Variants in MRTFB observed in about 807,000 individuals in gnomAD.
MRTFB encodes myocardin-related transcription factor B.
Under a neutral mutation model 104.2 loss-of-function variants are expected in MRTFB, and 29 were observed. The observed-to-expected ratio is 0.28, with a 90% CI of 0.21 to 0.38. The LOEUF (loss-of-function observed/expected upper bound fraction) is 0.38, where lower values mean the gene tolerates loss of function less well. Ranked by LOEUF, MRTFB falls within the 10% of genes least tolerant of loss-of-function variation. The pLI, the probability that MRTFB is intolerant of heterozygous loss-of-function variation, is 1.00. For synonymous variants in MRTFB, 535 were observed against 519.5 expected, an observed-to-expected ratio of 1.03 and a Z score of -0.41; for missense variants, 1,270 against 1,341.6, an observed-to-expected ratio of 0.95 and a Z score of 0.83.
chr16:14,006,303 A>C, the MRTFB span, among the ~76,000 whole-genome samples: 1 of 152,224 alleles, frequency 6.6e-6, no homozygotes, highest in South Asian at 2.1e-4. Context: ...AGATTGTGTC[A>C]TTGCACTCCA....
At chr16:14,136,171 G>A (rs1290215041) in intron 2 of MRTFB, among the ~76,000 whole-genome samples, 3 of 152,026 alleles carry the variant, frequency 2.0e-5, no homozygotes, top group Non-Finnish European at 4.4e-5. Flanking sequence ...CTATTTGGGA[G>A]GCTGAGGCAC....
At chr16:14,189,817 T>C (rs2040097972) in intron 3 of MRTFB, among the ~76,000 whole-genome samples, 1 of 152,218 alleles carries the variant, frequency 6.6e-6, no homozygotes, top group Admixed American at 6.5e-5. Context: ...GGAAGGCTAC[T>C]CTGCTTCTCA....
intron 2 of MRTFB, among the ~76,000 whole-genome samples, chr16:14,140,339 A>G (rs2037930730): frequency 2.0e-5 from 3 of 152,130 alleles, no homozygotes; most frequent in Non-Finnish European, 4.4e-5. Flanking sequence ...TTTCAGCTTT[A>G]TTTACCTTAT....
intron 8 of MRTFB, among the ~76,000 whole-genome samples, chr16:14,224,913 G>C (rs78415712): frequency 6.6e-6 from 1 of 152,194 alleles, no homozygotes. Flanking sequence ...GGCTGGGCAC[G>C]GTGGCTTACA....
chr16:14,242,196 G>A (rs77474324), intron 10 of MRTFB, among the ~76,000 whole-genome samples: 2 of 152,138 alleles, frequency 1.3e-5, no homozygotes, highest in African/African-American at 4.8e-5. Flanking sequence ...TTTCTGTAAT[G>A]AAAGAATTTG....
chr16:14,231,301 T>TAA (rs1307620791), intron 8 of MRTFB, among the ~76,000 whole-genome samples: 14 of 151,820 alleles, frequency 9.2e-5, no homozygotes, highest in African/African-American at 2.9e-4. Flanking sequence ...AAATAAAAAA[T>TAA]AAAAATAAAT....
intron 3 of MRTFB, among the ~76,000 whole-genome samples, chr16:14,208,596 G>A (rs1269905427): frequency 1.3e-5 from 2 of 152,122 alleles, no homozygotes; most frequent in Non-Finnish European, 2.9e-5. Context: ...TCTCCTCTCA[G>A]TTGTCTTTTT....
At chr16:14,172,219 T>C (rs1345251189) in intron 3 of MRTFB, among the ~76,000 whole-genome samples, 1 of 152,050 alleles carries the variant, frequency 6.6e-6, no homozygotes, top group East Asian at 1.9e-4. Context: ...TGTCCTTCCT[T>C]CCCCGCCTCC....
intron 9 of MRTFB, among the ~76,000 whole-genome samples, chr16:14,235,783 G>A (rs1045608122): frequency 6.6e-6 from 1 of 152,088 alleles, no homozygotes; most frequent in Admixed American, 6.5e-5. Context: ...ACAGTGGCTG[G>A]GACAATTATT....
chr16:14,110,627 T>G (rs896064745), intron 2 of MRTFB, among the ~76,000 whole-genome samples: 1 of 152,042 alleles, frequency 6.6e-6, no homozygotes, highest in Non-Finnish European at 1.5e-5. Context: ...CACACCACCC[T>G]CTCCTGGAAT....
At chr16:14,161,085 C>CT (rs57360069) in intron 3 of MRTFB, among the ~76,000 whole-genome samples, 1,746 of 53,080 alleles carry the variant, frequency 0.033, 472 homozygotes, top group African/African-American at 0.1. Context: ...AATGCCAGGA[C>CT]TTTTTTTTTT....
intron 2 of MRTFB, among the ~76,000 whole-genome samples, chr16:14,111,541 T>C (rs767799958): frequency 2.6e-5 from 4 of 152,342 alleles, no homozygotes; most frequent in Non-Finnish European, 4.4e-5. Flanking sequence ...GGTGGACTCA[T>C]TTCAGTTTTC....
At chr16:14,125,489 C>G (rs1274958946) in intron 2 of MRTFB, among the ~76,000 whole-genome samples, 1 of 152,238 alleles carries the variant, frequency 6.6e-6, no homozygotes, top group East Asian at 1.9e-4. Flanking sequence ...AGGGGAACCC[C>G]CAGAGGTGCT....
intron 2 of MRTFB, among the ~76,000 whole-genome samples, chr16:14,084,195 T>A (rs1037278074): frequency 6.6e-6 from 1 of 152,222 alleles, no homozygotes; most frequent in African/African-American, 2.4e-5. Flanking sequence ...AAAGTTTTCC[T>A]CCATAGAGAA....
At chr16:14,036,124 ATATATAT>A in the MRTFB span, among the ~76,000 whole-genome samples, 10 of 4,428 alleles carry the variant, frequency 2.3e-3, no homozygotes, top group East Asian at 0.083. Flanking sequence ...ATTATATAAA[ATATATAT>A]TATATATTAT....
chr16:14,046,760 C>G, the MRTFB span, among the ~76,000 whole-genome samples: 2 of 152,144 alleles, frequency 1.3e-5, no homozygotes, highest in Non-Finnish European at 2.9e-5. Context: ...AAAGAGGAAG[C>G]CAGAGAACAC....
intron 2 of MRTFB, among the ~76,000 whole-genome samples, chr16:14,133,539 G>C (rs1378865010): frequency 6.6e-6 from 1 of 152,080 alleles, no homozygotes; most frequent in African/African-American, 2.4e-5. Flanking sequence ...TTAAACACTG[G>C]AAAACAAAGT....
chr16:14,204,213 C>A (rs1414390340), intron 3 of MRTFB, among the ~76,000 whole-genome samples: 3 of 152,062 alleles, frequency 2.0e-5, no homozygotes, highest in Non-Finnish European at 2.9e-5. Flanking sequence ...TGGTCTCAAG[C>A]CATCCTCCCT....
intron 3 of MRTFB, chr16:14,142,998 C>G (rs1190061375): frequency 6.6e-6 from 1 of 152,160 alleles, no homozygotes; most frequent in Non-Finnish European, 1.5e-5. Context: ...CCATCCTACT[C>G]AAAGTCTATA....
Sources: gnomAD v4.1 joint callset for allele counts (sites outside exome capture counted in the v4.1 genomes callset) on GRCh38, gnomAD v4.1.1 for gene constraint, MANE v1.5 for transcripts, NCBI Gene and HGNC (gene_info 2026-07-23, HGNC 2026-07-21) for gene names.